HDAC4: variants seen among roughly 807,000 people sequenced by gnomAD.
The protein encoded by HDAC4 is histone deacetylase 4.
HDAC4 carries 16 observed loss-of-function variants against 135.1 expected under a neutral mutation model. The ratio of observed to expected loss-of-function variants is 0.12; its 90% CI spans 0.08 to 0.18. The LOEUF (loss-of-function observed/expected upper bound fraction) is 0.18, where lower values mean the gene tolerates loss of function less well. HDAC4 is among the 10% of genes least tolerant of loss of function. The probability of loss-of-function intolerance (pLI) is 1.00; values close to 1 mark genes in which losing one functional copy is unlikely to be tolerated. For missense variants in HDAC4, 1,143 were observed against 1,511.8 expected (o/e 0.76, Z 4.05); for synonymous variants, 685 against 653.4 (o/e 1.05, Z -0.74).
chr2:239,070,352 A>G (rs1359148488), intron 22 of HDAC4, among the ~76,000 whole-genome samples: 1 of 152,270 alleles, frequency 6.6e-6, no homozygotes, highest in Non-Finnish European at 1.5e-5. Context: ...TCTTTAAATT[A>G]TATTAGGGAA....
rs1295317108 is a variant in HDAC4 at position 239,068,419 on chromosome 2, G to C, written c.2869+70C>G. On this transcript the variant is annotated intron_variant, in intron 23 of 26. Transcript: ENST00000543185. The surrounding 1 kb of genome is among the most constrained non-coding windows in gnomAD (Gnocchi z 4.4). ...TATCTCGTTATTAAAAAGGGGACCT[G>C]ACACGCGGAACACAGCGGATCATGG... 1 of 1,113,156 alleles carries C rather than the reference G, an allele frequency of 9.0e-7. No individual in the cohort carries two copies. The highest frequency in any genetic ancestry group is 1.4e-6 in the Non-Finnish European group (1 of 724,890). 69.0% of individuals were successfully genotyped at this position (1,113,156 alleles called of 1,614,324 possible).
At chr2:239,256,996 C>T (rs2049087125) in intron 2 of HDAC4, among the ~76,000 whole-genome samples, 3 of 152,182 alleles carry the variant, frequency 2.0e-5, no homozygotes, top group Middle Eastern at 3.2e-3. Context: ...ACAGAAACAC[C>T]TATTCTCACA....
At chr2:239,392,616 G>A (rs1696303758) in intron 1 of HDAC4, among the ~76,000 whole-genome samples, 1 of 152,106 alleles carries the variant, frequency 6.6e-6, no homozygotes. Context: ...TCCCCTCCTT[G>A]TCCACAGCCC....
chr2:239,234,599 A>G (rs769507358), intron 3 of HDAC4, among the ~76,000 whole-genome samples: 2 of 152,224 alleles, frequency 1.3e-5, no homozygotes, highest in Non-Finnish European at 2.9e-5. Flanking sequence ...CATCTTTATG[A>G]GAACTCTGTA....
intron 11 of HDAC4, among the ~76,000 whole-genome samples, chr2:239,129,659 G>A (rs568886781): frequency 6.6e-6 from 1 of 152,318 alleles, no homozygotes; most frequent in Admixed American, 6.5e-5. Flanking sequence ...GTGTCCCTAT[G>A]GCTGCCGGCT....
intron 15 of HDAC4, among the ~76,000 whole-genome samples, chr2:239,106,432 G>C (rs1575047774): frequency 1.3e-5 from 2 of 152,312 alleles, no homozygotes; most frequent in African/African-American, 4.8e-5. Flanking sequence ...CAGGACAGCT[G>C]TCTGGTCCTG....
chr2:239,311,839 G>A (rs891301250), intron 2 of HDAC4, among the ~76,000 whole-genome samples: 4 of 152,176 alleles, frequency 2.6e-5, no homozygotes, highest in South Asian at 2.1e-4. Flanking sequence ...AGTCTGGACC[G>A]GAGCCAGCAG....
intron 2 of HDAC4, among the ~76,000 whole-genome samples, chr2:239,339,659 C>T (rs1376395612): frequency 6.6e-6 from 1 of 152,174 alleles, no homozygotes; most frequent in Non-Finnish European, 1.5e-5. Context: ...CACATGTGGC[C>T]CGCGGCCCCC....
chr2:239,333,933 A>T (rs1267971933), intron 2 of HDAC4, among the ~76,000 whole-genome samples: 3 of 152,212 alleles, frequency 2.0e-5, no homozygotes, highest in African/African-American at 7.2e-5. Flanking sequence ...CCAATGACTG[A>T]TATAGATGCC....
intron 15 of HDAC4, among the ~76,000 whole-genome samples, chr2:239,105,726 G>C (rs2038066367): frequency 6.6e-6 from 1 of 152,180 alleles, no homozygotes; most frequent in African/African-American, 2.4e-5. Flanking sequence ...TGGCCTCCAA[G>C]TGGTCCGCGG....
At chr2:239,337,317 G>A (rs1692002286) in intron 2 of HDAC4, among the ~76,000 whole-genome samples, 1 of 152,130 alleles carries the variant, frequency 6.6e-6, no homozygotes, top group South Asian at 2.1e-4. Context: ...CGGGAAGGCA[G>A]AAAACGTCCA....
At chr2:239,219,970 C>T in intron 3 of HDAC4, among the ~76,000 whole-genome samples, 1 of 152,224 alleles carries the variant, frequency 6.6e-6, no homozygotes, top group Non-Finnish European at 1.5e-5. Flanking sequence ...GGTGTGCATA[C>T]AGAGGATGGG....
intron 2 of HDAC4, among the ~76,000 whole-genome samples, chr2:239,259,142 C>T (rs1025142637): frequency 1.2e-4 from 19 of 152,176 alleles, no homozygotes; most frequent in African/African-American, 4.3e-4. Context: ...CAAAAAAGAA[C>T]TAGGAAAACC....
At position 239,060,034 on chromosome 2, in the gene HDAC4, G is replaced by A. The variant is rs185060413; in HGVS notation, c.3004-5201C>T. Among the ~76,000 whole-genome samples, 371 of 152,336 alleles carry A rather than the reference G, an allele frequency of 2.4e-3. 2 individuals carry two copies. Among genetic ancestry groups the A allele is most frequent in the African/African-American group, 8.4e-3 (350 of 41,566 alleles). On this transcript the variant is annotated intron_variant, in intron 24 of 26. Coordinates refer to ENST00000543185, the MANE Select transcript of HDAC4 (RefSeq NM_001378414.1). ...ACACAGCCTGAGATGTGAAGGACAC[G>A]GGCTGGCCAGCCTGGCTCTGTCCCA...
At chr2:239,257,654 C>G (rs2049124550) in intron 2 of HDAC4, among the ~76,000 whole-genome samples, 1 of 152,140 alleles carries the variant, frequency 6.6e-6, no homozygotes, top group South Asian at 2.1e-4. Flanking sequence ...ACTCTGTAAT[C>G]CTTGAAATAG....
At chr2:239,120,514 G>T (rs3791433) in intron 12 of HDAC4, among the ~76,000 whole-genome samples, 1 of 150,280 alleles carries the variant, frequency 6.7e-6, no homozygotes, top group African/African-American at 2.5e-5. Context: ...CAGGCACACA[G>T]AGACAAGGAG....
chr2:239,381,652 T>C (rs1457321293), intron 1 of HDAC4, among the ~76,000 whole-genome samples: 1 of 152,254 alleles, frequency 6.6e-6, no homozygotes. Context: ...TAAATGCTCA[T>C]GTTCTGGACT....
rs1431558131 is a variant in HDAC4, at chr2:239,236,805, C to T, written c.23-141G>A. The T allele has an allele frequency of 5.9e-6, 4 of 682,480 alleles. No homozygotes were observed. In the Admixed American group the frequency reaches 8.7e-5, roughly 15 times the overall value. 42.3% of individuals were successfully genotyped at this position (682,480 alleles called of 1,614,324 possible). On this transcript the variant is annotated intron_variant, in intron 2 of 26. Transcript: ENST00000543185. ...TACTTTTACAGGGGGACACTTTCAGCTTCATCATAGATTATTTGTATTTGC... is the reference window on the plus strand; with the variant it reads ...TACTTTTACAGGGGGACACTTTCAGTTTCATCATAGATTATTTGTATTTGC...
intron 2 of HDAC4, among the ~76,000 whole-genome samples, chr2:239,267,542 A>G (rs1427683745): frequency 6.6e-6 from 1 of 152,266 alleles, no homozygotes; most frequent in East Asian, 1.9e-4. Context: ...GCACAGCTAT[A>G]GAGAGTTGTA....
Sources: allele counts gnomAD v4.1 joint callset (sites outside exome capture counted in the v4.1 genomes callset), GRCh38; gene constraint gnomAD v4.1.1; non-coding constraint Gnocchi (gnomAD v3.1); transcripts MANE v1.5; gene names NCBI Gene and HGNC (gene_info 2026-07-23, HGNC 2026-07-21).